DIAPH3: variants seen among roughly 807,000 people sequenced by gnomAD.
DIAPH3 encodes diaphanous related formin 3.
In DIAPH3, 117 loss-of-function variants were observed where a neutral mutation model predicts 144.3. The ratio of observed to expected loss-of-function variants is 0.81; its 90% CI spans 0.70 to 0.95. The LOEUF is 0.95. Ranked by LOEUF, DIAPH3 falls within the 40% of genes least tolerant of loss-of-function variation. The probability of loss-of-function intolerance (pLI) is 0.00; values close to 1 mark genes in which losing one functional copy is unlikely to be tolerated. For missense variants in DIAPH3, 1,421 were observed against 1,412.7 expected (o/e 1.01, Z -0.09); for synonymous variants, 519 against 488.9 (o/e 1.06, Z -0.81).
chr13:59,668,824 CAT>C (rs758058274), intron 27 of DIAPH3, among the ~76,000 whole-genome samples: 24 of 139,070 alleles, frequency 1.7e-4, no homozygotes, highest in East Asian at 4.3e-4. Context: ...TATATATACA[CAT>C]ATATATATAT....
chr13:60,014,757 T>C (rs3783041), intron 7 of DIAPH3, among the ~76,000 whole-genome samples: 18 of 152,172 alleles, frequency 1.2e-4, no homozygotes, highest in African/African-American at 3.9e-4. Context: ...CAGGTAAAAT[T>C]TCCCCCCCTG....
intron 3 of DIAPH3, among the ~76,000 whole-genome samples, chr13:60,097,108 A>G (rs1353867706): frequency 6.6e-6 from 1 of 152,110 alleles, no homozygotes; most frequent in Non-Finnish European, 1.5e-5. Context: ...GGTTTATCCC[A>G]CCTCTTTTGC....
rs906054800 is a variant in DIAPH3, at chr13:60,069,436, C to T, written c.495+24192G>A. On this transcript the variant is annotated intron_variant, in intron 4 of 27. Coordinates refer to ENST00000400324, the MANE Select transcript of DIAPH3 (RefSeq NM_001042517.2). ...TCTCATTCTGTAGGTTGTCTGTTTA[C>T]TCTCTTGATGGTTTCTTTTGCTGTG... Among the ~76,000 whole-genome samples the T allele has an allele frequency of 5.9e-4, 90 of 152,198 alleles. 1 individual carries two copies. Among genetic ancestry groups the T allele is most frequent in the African/African-American group, 2.0e-3 (84 of 41,542 alleles).
rs527344382 is a variant in DIAPH3, at chr13:60,102,541, G to A, written c.391-8809C>T. Reference sequence around the variant, plus strand: ...TAAGCTTCTGGGAGATGGAACTGAAGCTGGAGATGATACAGCCCCAGACTA... The same window carrying A: ...TAAGCTTCTGGGAGATGGAACTGAAACTGGAGATGATACAGCCCCAGACTA... On this transcript the variant is annotated intron_variant, in intron 3 of 27. Coordinates refer to ENST00000400324, the MANE Select transcript of DIAPH3 (RefSeq NM_001042517.2). 2.0e-5 allele frequency among the ~76,000 whole-genome samples: 3 copies of A among 152,286 alleles called. No homozygotes were observed. In the East Asian group the frequency reaches 5.8e-4, roughly 29 times the overall value.
At chr13:60,074,442 G>A (rs1341813438) in intron 4 of DIAPH3, among the ~76,000 whole-genome samples, 1 of 152,140 alleles carries the variant, frequency 6.6e-6, no homozygotes, top group Non-Finnish European at 1.5e-5. Flanking sequence ...CCGAGGGATG[G>A]CTGCCCTTCC....
intron 27 of DIAPH3, among the ~76,000 whole-genome samples, chr13:59,764,228 G>A (rs1201263326): frequency 6.6e-6 from 1 of 151,840 alleles, no homozygotes; most frequent in Non-Finnish European, 1.5e-5. Context: ...ATAAATCTCT[G>A]ATCTCCTGGA....
At chr13:59,742,312 T>C (rs187911010) in intron 27 of DIAPH3, among the ~76,000 whole-genome samples, 1 of 152,212 alleles carries the variant, frequency 6.6e-6, no homozygotes, top group East Asian at 1.9e-4. Context: ...ACTTCAGAAA[T>C]GAAGACCCAA....
Position 60,126,146 on chromosome 13 carries a change from G to A in DIAPH3, c.213+6811C>T, listed in dbSNP as rs769165721. ...TTACCCAAGTAAAACACTACATACC[G>A]AGGGAAAGAATAGTAGAATCAGGAA... is the stretch of plus-strand genomic sequence containing the variant. On this transcript the variant is annotated intron_variant, in intron 2 of 27. Coordinates refer to ENST00000400324, the MANE Select transcript of DIAPH3 (RefSeq NM_001042517.2). Among the ~76,000 whole-genome samples the A allele has an allele frequency of 1.7e-4, 26 of 152,192 alleles. 1 individual carries two copies. The highest frequency in any genetic ancestry group is 1.0e-3 in the South Asian group (5 of 4,822).
chr13:59,678,090 T>G (rs1309269265), intron 27 of DIAPH3, among the ~76,000 whole-genome samples: 1 of 152,176 alleles, frequency 6.6e-6, no homozygotes, highest in African/African-American at 2.4e-5. Context: ...CTCCTTCCTT[T>G]CAAAATGAGA....
At chr13:59,989,959 A>C (rs2140800837) in intron 12 of DIAPH3, among the ~76,000 whole-genome samples, 1 of 152,076 alleles carries the variant, frequency 6.6e-6, no homozygotes, top group African/African-American at 2.4e-5. Context: ...AGTTTACTTT[A>C]GAGTAAATAG....
chr13:59,998,213 T>C (rs1344886340), intron 9 of DIAPH3, among the ~76,000 whole-genome samples: 2 of 152,160 alleles, frequency 1.3e-5, no homozygotes, highest in Non-Finnish European at 2.9e-5. Flanking sequence ...CAAGAAGCTA[T>C]AATTTATACC....
chr13:60,115,381 A>C (rs2058676402), intron 2 of DIAPH3, among the ~76,000 whole-genome samples: 1 of 152,224 alleles, frequency 6.6e-6, no homozygotes, highest in South Asian at 2.1e-4. Context: ...GAACTGCAAG[A>C]GATCAGTTTT....
intron 27 of DIAPH3, among the ~76,000 whole-genome samples, chr13:59,720,566 G>A (rs542546892): frequency 6.6e-6 from 1 of 152,014 alleles, no homozygotes; most frequent in Non-Finnish European, 1.5e-5. Context: ...GATCACCTTT[G>A]CAACTAGAAC....
Position 59,919,950 on chromosome 13 carries a change from T to C in DIAPH3, c.2171-3701A>G, listed in dbSNP as rs554186057. 3.3e-4 allele frequency among the ~76,000 whole-genome samples: 50 copies of C among 152,134 alleles called. No homozygotes were observed. The South Asian group carries it at 3.3e-3, about 10-fold the overall frequency. On this transcript the variant is annotated intron_variant, in intron 18 of 27. Transcript: ENST00000400324. ...AAAATTAATATGTAGTTTTATTTTT[T>C]ATAAGTGATCAAGTTTATCAGTTTC...
intron 1 of DIAPH3, among the ~76,000 whole-genome samples, chr13:60,148,092 A>C (rs1951619647): frequency 1.3e-5 from 2 of 152,240 alleles, no homozygotes; most frequent in South Asian, 4.1e-4. Flanking sequence ...TGGAAGTTAA[A>C]GATCAAGAAG....
intron 7 of DIAPH3, among the ~76,000 whole-genome samples, 174 bp from the exon 8 acceptor site, chr13:60,010,843 C>T (rs1026988306): frequency 3.3e-5 from 5 of 152,028 alleles, no homozygotes; most frequent in East Asian, 1.9e-4. Flanking sequence ...CGGTGGTTCA[C>T]GCCTGTAATC....
chr13:60,064,913 A>G (rs1480088927), intron 4 of DIAPH3, among the ~76,000 whole-genome samples: 1 of 152,096 alleles, frequency 6.6e-6, no homozygotes, highest in South Asian at 2.1e-4. Context: ...TAACTTCCTT[A>G]ATTTTAACAT....
At chr13:59,745,312 A>G (rs893443130) in intron 27 of DIAPH3, among the ~76,000 whole-genome samples, 2 of 152,200 alleles carry the variant, frequency 1.3e-5, no homozygotes, top group African/African-American at 4.8e-5. Flanking sequence ...ATTATCTTTT[A>G]AAAACAGAAT....
intron 22 of DIAPH3, among the ~76,000 whole-genome samples, chr13:59,841,154 G>A (rs1429725873): frequency 6.6e-6 from 1 of 151,980 alleles, no homozygotes; most frequent in African/African-American, 2.4e-5. Context: ...CATTACATAA[G>A]AGATTCCTTT....
Sources: allele counts gnomAD v4.1 joint callset (sites outside exome capture counted in the v4.1 genomes callset), GRCh38; gene constraint gnomAD v4.1.1; transcripts MANE v1.5; gene names NCBI Gene and HGNC (gene_info 2026-07-23, HGNC 2026-07-21).